The following FAAH2 variants were observed in gnomAD, a reference collection of about 807,000 sequenced individuals.
FAAH2 encodes the protein fatty-acid amide hydrolase 2.
Under a neutral mutation model 36.9 loss-of-function variants are expected in FAAH2, and 60 were observed. The ratio of observed to expected loss-of-function variants is 1.63; its 90% CI spans 1.32 to 2.02. The LOEUF (loss-of-function observed/expected upper bound fraction) is 2.02, where lower values mean the gene tolerates loss of function less well. Among genes scored for constraint, FAAH2 ranks in the 30% most tolerant of loss-of-function variants. FAAH2 has a pLI of 0.00. For synonymous variants in FAAH2, 214 were observed against 143.8 expected, an observed-to-expected ratio of 1.49 and a Z score of -3.49; for missense variants, 689 against 397.5, an observed-to-expected ratio of 1.73 and a Z score of -6.23.
chrX:57,134,345 G>C, the FAAH2 span, among the ~76,000 whole-genome samples: 1 of 111,738 alleles, frequency 8.9e-6, no homozygotes, highest in Non-Finnish European at 1.9e-5. Context: ...CTGTGAGCTG[G>C]GGTAGGCAAG....
intron 10 of FAAH2, among the ~76,000 whole-genome samples, chrX:57,463,130 T>A (rs1188672655): frequency 2.7e-5 from 3 of 111,053 alleles, no homozygotes. Context: ...CAAGAAGAAC[T>A]ACAAACCACT....
chrX:57,304,547 C>A (rs1259480974), intron 2 of FAAH2, among the ~76,000 whole-genome samples: 1 of 111,666 alleles, frequency 9.0e-6, no homozygotes, highest in East Asian at 2.8e-4. Context: ...CACTGGTAAA[C>A]CAATTTTTGG....
At chrX:57,213,465 A>G in the FAAH2 span, among the ~76,000 whole-genome samples, 1 of 111,743 alleles carries the variant, frequency 8.9e-6, no homozygotes, top group African/African-American at 3.2e-5. Context: ...TATGCATTTA[A>G]TGCTATAAAC....
intron 5 of FAAH2, among the ~76,000 whole-genome samples, chrX:57,346,714 G>A (rs67617015): frequency 0.36 from 40,102 of 110,347 alleles, 6,215 homozygotes; most frequent in Middle Eastern, 0.61. Context: ...GTGGTAGCAG[G>A]CATCATTCTT....
At chrX:57,301,752 TTTG>T (rs1214484391) in intron 2 of FAAH2, among the ~76,000 whole-genome samples, 1 of 111,129 alleles carries the variant, frequency 9.0e-6, no homozygotes, top group East Asian at 2.8e-4. Flanking sequence ...GCATAGTCAT[TTTG>T]GTGTTGGTTG....
intron 10 of FAAH2, among the ~76,000 whole-genome samples, chrX:57,455,204 A>G (rs5915028): frequency 0.54 from 59,897 of 110,240 alleles, 14,411 homozygotes; most frequent in Non-Finnish European, 0.75. Context: ...ATGAAACTAA[A>G]CTTCATAAGC....
chrX:57,164,496 T>TA, the FAAH2 span, among the ~76,000 whole-genome samples: 4 of 111,923 alleles, frequency 3.6e-5, no homozygotes, highest in Non-Finnish European at 7.5e-5. Context: ...ATAGCCCTGG[T>TA]AGTCACCATT....
chrX:57,301,372 AAAC>A (rs2052359727), intron 2 of FAAH2, among the ~76,000 whole-genome samples: 1 of 105,871 alleles, frequency 9.4e-6, no homozygotes, highest in Non-Finnish European at 1.9e-5. Flanking sequence ...ACAAAAAACC[AAAC>A]ACCACATGTT....
At chrX:57,405,948 A>G (rs1376732472) in intron 7 of FAAH2, among the ~76,000 whole-genome samples, 1 of 108,331 alleles carries the variant, frequency 9.2e-6, no homozygotes, top group African/African-American at 3.4e-5. Flanking sequence ...TGTCATTTCA[A>G]AGTGTTCATT....
At chrX:57,440,071 A>C (rs2056514561) in intron 8 of FAAH2, among the ~76,000 whole-genome samples, 1 of 111,382 alleles carries the variant, frequency 9.0e-6, no homozygotes, top group Non-Finnish European at 1.9e-5. Flanking sequence ...CTTAGGATTG[A>C]CTTGGTGATG....
chrX:57,487,037 T>C (rs978147829), intron 10 of FAAH2, among the ~76,000 whole-genome samples: 1 of 111,649 alleles, frequency 9.0e-6, no homozygotes, highest in Non-Finnish European at 1.9e-5. Context: ...GAAGAATTAA[T>C]AGTCTTTTCA....
intron 10 of FAAH2, among the ~76,000 whole-genome samples, chrX:57,456,122 A>T (rs1039748450): frequency 1.8e-5 from 2 of 112,299 alleles, no homozygotes; most frequent in African/African-American, 6.5e-5. Flanking sequence ...CCATAGTGCA[A>T]TAAAAGCAGA....
chrX:57,340,940 C>T (rs1050151517), intron 4 of FAAH2, among the ~76,000 whole-genome samples: 2 of 110,065 alleles, frequency 1.8e-5, no homozygotes, highest in African/African-American at 3.3e-5. Flanking sequence ...GCACATGAAC[C>T]CCAGAACTTA....
intron 10 of FAAH2, among the ~76,000 whole-genome samples, chrX:57,469,637 C>A (rs2147243363): frequency 1.8e-5 from 2 of 111,671 alleles, no homozygotes; most frequent in South Asian, 7.5e-4. Context: ...TACACTCCAA[C>A]ACAATAATAA....
the FAAH2 span, among the ~76,000 whole-genome samples, chrX:57,189,643 C>T: frequency 9.0e-6 from 1 of 111,384 alleles, no homozygotes; most frequent in African/African-American, 3.3e-5. Flanking sequence ...CAATCAGGCC[C>T]GTCTTCTGCA....
At chrX:57,421,767 G>T (rs1051209387) in intron 7 of FAAH2, among the ~76,000 whole-genome samples, 4 of 112,007 alleles carry the variant, frequency 3.6e-5, no homozygotes, top group African/African-American at 9.7e-5. Flanking sequence ...TTTGTTGAGC[G>T]TGGGTCCATT....
chrX:57,295,898 G>C (rs1051178124), intron 2 of FAAH2, among the ~76,000 whole-genome samples: 1 of 112,401 alleles, frequency 8.9e-6, no homozygotes, highest in African/African-American at 3.2e-5. Flanking sequence ...AGGCAGCAGC[G>C]AGGCTGGGGG....
At chrX:57,163,729 AT>A in the FAAH2 span, among the ~76,000 whole-genome samples, 1 of 111,975 alleles carries the variant, frequency 8.9e-6, no homozygotes, top group Non-Finnish European at 1.9e-5. Flanking sequence ...CTCGCACACG[AT>A]GCGTGCACCC....
intron 8 of FAAH2, among the ~76,000 whole-genome samples, chrX:57,441,796 C>G (rs2056563805): frequency 9.0e-6 from 1 of 111,314 alleles, no homozygotes; most frequent in Non-Finnish European, 1.9e-5. Flanking sequence ...CCCAGAGATT[C>G]TGGTGTGTTG....
Sources: allele counts gnomAD v4.1 joint callset (sites outside exome capture counted in the v4.1 genomes callset), GRCh38; gene constraint gnomAD v4.1.1; transcripts MANE v1.5; gene names NCBI Gene and HGNC (gene_info 2026-07-23, HGNC 2026-07-21).